The following URB1 variants were observed in gnomAD, a reference collection of about 807,000 sequenced individuals.
URB1 encodes the protein nucleolar pre-ribosomal-associated protein 1.
Under a neutral mutation model 242.3 loss-of-function variants are expected in URB1, and 197 were observed. The observed-to-expected ratio is 0.81, with a 90% confidence interval of 0.72 to 0.91. URB1 has a LOEUF of 0.91. Among genes scored for constraint, URB1 ranks in the 40% least tolerant of loss-of-function variants. The probability of loss-of-function intolerance (pLI) is 0.00; values close to 1 mark genes in which losing one functional copy is unlikely to be tolerated. For synonymous variants in URB1, 1,153 were observed against 1,201.8 expected (o/e 0.96, Z 0.84); for missense variants, 2,721 against 2,860.5 (o/e 0.95, Z 1.11).
At position 32,314,686 on chromosome 21, in the gene URB1, T is replaced by C; in HGVS notation, c.*232A>G. 1 of 1,596,236 alleles carries C rather than the reference T, an allele frequency of 6.3e-7. No individual in the cohort carries two copies. The highest frequency in any genetic ancestry group is 2.2e-5 in the East Asian group (1 of 44,760). On this transcript the variant is annotated 3_prime_UTR_variant, in exon 39 of 39. Coordinates refer to ENST00000382751, the MANE Select transcript of URB1 (RefSeq NM_014825.3). ...CTGGATGGGCCTCATGGCCTAGAAG[T>C]CCCCACATTCCTTGCAACTCTGATG...
At chr21:32,392,236 T>C (rs2033647409) in intron 1 of URB1, among the ~76,000 whole-genome samples, 1 of 152,322 alleles carries the variant, frequency 6.6e-6, no homozygotes, top group South Asian at 2.1e-4. Flanking sequence ...ACAAAAAGTG[T>C]AATTAAATTA....
rs1179201048 is a variant in URB1, at chr21:32,320,595, A to G, written c.5530T>C (p.Ser1844Pro). Residue 1844 changes from serine (S) to proline (P), a missense_variant, in exon 35 of 39, where the codon TCT becomes CCT. Physicochemically the swap from Ser to Pro is moderately conservative, Grantham distance 74 (BLOSUM62 -1). Coordinates refer to ENST00000382751, the MANE Select transcript of URB1 (RefSeq NM_014825.3). ...ILQNAAQVAR[S>P]AYEIIRDYSL... ...TAGTCTCGTATGATTTCATACGCAGATCTGGCAACCTGGGCAGCATTCTGT... is the reference window on the plus strand; with the variant it reads ...TAGTCTCGTATGATTTCATACGCAGGTCTGGCAACCTGGGCAGCATTCTGT... 3 of 1,551,842 alleles carry G rather than the reference A, an allele frequency of 1.9e-6. No individual in the cohort carries two copies. The highest frequency in any genetic ancestry group is 2.6e-6 in the Non-Finnish European group (3 of 1,147,058).
intron 13 of URB1, among the ~76,000 whole-genome samples, chr21:32,360,567 C>G (rs80309011): frequency 6.6e-6 from 1 of 152,120 alleles, no homozygotes; most frequent in Non-Finnish European, 1.5e-5. Context: ...ACCAGACAAG[C>G]ATTGTTACTT....
intron 24 of URB1, among the ~76,000 whole-genome samples, chr21:32,341,738 C>T (rs1422275289): frequency 6.8e-6 from 1 of 147,806 alleles, no homozygotes; most frequent in Non-Finnish European, 1.5e-5. Context: ...CTGTTCTGGA[C>T]TCTCTGTGCA....
intron 36 of URB1, among the ~76,000 whole-genome samples, chr21:32,318,295 A>G (rs1321108767): frequency 2.0e-5 from 3 of 152,298 alleles, no homozygotes; most frequent in Admixed American, 2.0e-4. Flanking sequence ...AGAAAAACCC[A>G]GGGAGGCCCT....
intron 21 of URB1, among the ~76,000 whole-genome samples, chr21:32,348,193 A>G (rs982259529): frequency 6.6e-6 from 1 of 152,168 alleles, no homozygotes; most frequent in African/African-American, 2.4e-5. Flanking sequence ...GGCCGTGCAG[A>G]AACACCACCA....
chr21:32,391,731 G>A (rs1321894321), intron 1 of URB1, among the ~76,000 whole-genome samples: 1 of 152,094 alleles, frequency 6.6e-6, no homozygotes, highest in Non-Finnish European at 1.5e-5. Flanking sequence ...TTTAAAAACA[G>A]GCCAGGTGTG....
At chr21:32,382,305 G>GT (rs2146053082) in intron 4 of URB1, among the ~76,000 whole-genome samples, 1 of 152,282 alleles carries the variant, frequency 6.6e-6, no homozygotes, top group African/African-American at 2.4e-5. Flanking sequence ...TATTAGAAAC[G>GT]TATTTAAATG....
At chr21:32,382,875 G>A (rs1257853144) in intron 4 of URB1, among the ~76,000 whole-genome samples, 2 of 152,186 alleles carry the variant, frequency 1.3e-5, no homozygotes, top group African/African-American at 4.8e-5. Context: ...TTGTTTCACA[G>A]GTTTCCTGAA....
At chr21:32,359,311 A>G (rs1250561892) in intron 14 of URB1, among the ~76,000 whole-genome samples, 1 of 152,096 alleles carries the variant, frequency 6.6e-6, no homozygotes, top group Non-Finnish European at 1.5e-5. Flanking sequence ...ATGATTTAAC[A>G]TTATGTTCTC....
At position 32,319,346 on chromosome 21, in the gene URB1, C is replaced by G; in HGVS notation, c.5663G>C (p.Gly1888Ala). ...GCTCTCCCACTCCACTGCCTTGTCC[C>G]CCAGGTTGGTCACCCACAGTGTGTG... ...LLHTLWVTNL[G>A]DKAVEWESQR... Residue 1888 changes from glycine (G) to alanine (A), a missense_variant, in exon 36 of 39, where the codon GGG becomes GCG. By Grantham distance (60) the Gly-to-Ala change is moderately conservative (BLOSUM62 0). Coordinates refer to ENST00000382751, the MANE Select transcript of URB1 (RefSeq NM_014825.3). The G allele has an allele frequency of 6.4e-7, 1 of 1,551,158 alleles. No homozygotes were observed. Among genetic ancestry groups the G allele is most frequent in the Non-Finnish European group, 8.7e-7 (1 of 1,146,742 alleles).
In URB1 at chr21:32,384,305, C is replaced by A. The variant is rs752608196; in HGVS notation, c.434+8G>T. 6.5e-7 allele frequency: 1 copy of A among 1,548,986 alleles called. No homozygotes were observed. The highest frequency in any genetic ancestry group is 8.7e-7 in the Non-Finnish European group (1 of 1,144,398). On this transcript the variant is annotated splice_region_variant and intron_variant, in intron 3 of 38. Coordinates refer to ENST00000382751, the MANE Select transcript of URB1 (RefSeq NM_014825.3). ...CCATCCTTTGTCACACCAAGGCAGACTGCCTACCTGTAACCTGAGGCATAC... is the reference window on the plus strand; with the variant it reads ...CCATCCTTTGTCACACCAAGGCAGAATGCCTACCTGTAACCTGAGGCATAC...
intron 24 of URB1, among the ~76,000 whole-genome samples, chr21:32,343,184 GTTTT>G (rs897692482): frequency 6.7e-6 from 1 of 148,492 alleles, no homozygotes; most frequent in African/African-American, 2.5e-5. Flanking sequence ...GGTAATGGGA[GTTTT>G]TTTTTTGTTT....
chr21:32,352,220 C>T (rs546553696), intron 19 of URB1, among the ~76,000 whole-genome samples: 1 of 152,242 alleles, frequency 6.6e-6, no homozygotes, highest in Admixed American at 6.5e-5. Context: ...AGCCAGAATC[C>T]CATTAAGAGA....
chr21:32,384,285 C>T (rs1225017659), intron 3 of URB1, 28 bp downstream of exon 3: 2 of 1,542,050 alleles, frequency 1.3e-6, no homozygotes, highest in Non-Finnish European at 1.8e-6. Flanking sequence ...AAGGCCCATC[C>T]TTTGTCACAC....
intron 4 of URB1, among the ~76,000 whole-genome samples, chr21:32,382,095 C>T (rs530958740): frequency 2.9e-4 from 44 of 152,144 alleles, no homozygotes; most frequent in Non-Finnish European, 4.1e-4. Context: ...GGCCCTGCAG[C>T]CGGGCTTCAG....
chr21:32,361,995 C>A lies in URB1; in HGVS notation c.1536G>T (p.Val512=). The change falls in exon 12 of 39, where the codon GTG becomes GTT. Residue 512 remains valine (V), a synonymous_variant. Coordinates refer to ENST00000382751, the MANE Select transcript of URB1 (RefSeq NM_014825.3). ...GCTTTTTAAGTGACTGCCAGACCCA[C>A]ACGACAGTGTTCAGGTCTGGCAAAA... ...SKILPDLNTV[V]WVWQSLKKQE... The A allele has an allele frequency of 1.3e-6, 2 of 1,551,610 alleles. No homozygotes were observed. The highest frequency in any genetic ancestry group is 2.4e-5 in the South Asian group (2 of 84,060).
chr21:32,337,674 T>C (rs151243946), intron 26 of URB1, among the ~76,000 whole-genome samples, 160 bp from the exon 27 acceptor site: 1 of 152,228 alleles, frequency 6.6e-6, no homozygotes, highest in Non-Finnish European at 1.5e-5. Flanking sequence ...CCGCTTATTT[T>C]TTTGTTATTA....
Position 32,316,105 on chromosome 21 carries a change from A to ACGCG in URB1, c.6634+357_6634+360dup, listed in dbSNP as rs367585220. Reference sequence around the variant, plus strand: ...CGCACACATGCAAGCATACGCACGCACGCGCACACACAGCTGGCCACATGT... The same window carrying ACGCG: ...CGCACACATGCAAGCATACGCACGCACGCGCGCGCACACACAGCTGGCCACATGT... On this transcript the variant is annotated intron_variant, in intron 38 of 38. Coordinates refer to ENST00000382751, the MANE Select transcript of URB1 (RefSeq NM_014825.3). Among the ~76,000 whole-genome samples the ACGCG allele has an allele frequency of 1.4e-3, 206 of 152,370 alleles. 1 individual carries two copies. Among genetic ancestry groups the ACGCG allele is most frequent in the African/African-American group, 4.7e-3 (197 of 41,586 alleles).
Sources: allele counts gnomAD v4.1 joint callset (sites outside exome capture counted in the v4.1 genomes callset), GRCh38; gene constraint gnomAD v4.1.1; transcripts MANE v1.5; gene names NCBI Gene and HGNC (gene_info 2026-07-23, HGNC 2026-07-21).